SLC16A6: variants seen among roughly 807,000 people sequenced by gnomAD.
The protein encoded by SLC16A6 is monocarboxylate transporter 7.
A neutral mutation model predicts 33.8 loss-of-function variants in SLC16A6; 15 were observed. That is an observed-to-expected ratio of 0.44 (90% confidence interval 0.30 to 0.68). SLC16A6 has a LOEUF of 0.68. Ranked by LOEUF, SLC16A6 falls within the 30% of genes least tolerant of loss-of-function variation. SLC16A6 has a pLI of 0.10. For synonymous variants in SLC16A6, 219 were observed against 248.4 expected (o/e 0.88, Z 1.11); for missense variants, 451 against 661.5 (o/e 0.68, Z 3.49).
In SLC16A6 at chr17:68,271,200, A is replaced by C; in HGVS notation, c.960T>G (p.Ile320Met). 1 of 1,614,114 alleles carries C rather than the reference A, an allele frequency of 6.2e-7. No individual in the cohort carries two copies. Among genetic ancestry groups the C allele is most frequent in the East Asian group, 2.2e-5 (1 of 44,890 alleles). The part of the protein sequence containing the change: ...APSLYIIPLG[I>M]SLGIDQDRAA... ...CGCGGTCCTGGTCAATGCCCAGACTAATGCCCAGAGGAATGATGTACAAGG... is the reference window on the plus strand; with the variant it reads ...CGCGGTCCTGGTCAATGCCCAGACTCATGCCCAGAGGAATGATGTACAAGG... The change falls in exon 5 of 6, where the codon ATT becomes ATG. Residue 320 changes from isoleucine to methionine, a missense_variant. By Grantham distance (10) the Ile-to-Met change is conservative. This residue lies in a region of SLC16A6 where 405 missense variants were observed against 510.7 expected (regional missense o/e 0.79). Transcript: ENST00000580666. This position sits in a 1 kb window ranked among gnomAD's most constrained non-coding sequence, Gnocchi z 5.3.
In SLC16A6 at chr17:68,278,376, C is replaced by T. The variant is rs189461121; in HGVS notation, c.-7-49G>A. 63 of 1,215,002 alleles carry T rather than the reference C, an allele frequency of 5.2e-5. No homozygotes were observed. In the East Asian group the frequency reaches 6.0e-4, roughly 12 times the overall value. The allele number at this position is 1,215,002 out of a possible 1,614,324, so 75.3% of individuals were successfully genotyped here. A position where few individuals can be genotyped will look rare whatever the true frequency, so the allele number is the denominator to read the frequency against. On this transcript the variant is annotated intron_variant, in intron 1 of 5. Transcript: ENST00000580666. ...TTCAGATCAGCAATAGCATGAGGAT[C>T]GATGATTCTCATACTCTTAAGCAAA...
chr17:68,291,335 C>G (rs1272681657), upstream of SLC16A6: 3 of 145,098 alleles, frequency 2.1e-5, no homozygotes, highest in African/African-American at 5.0e-5. Flanking sequence ...CGACCCGGGC[C>G]GTGCGTGCTG....
chr17:68,269,673 G>GTTTTTTTTT (rs782421181), intron 5 of SLC16A6, among the ~76,000 whole-genome samples: 16,042 of 75,924 alleles, frequency 0.21, 3,071 homozygotes, highest in African/African-American at 0.42. Flanking sequence ...TTCACTTTAG[G>GTTTTTTTTT]TTTTTTTTTT....
chr17:68,283,940 A>G (rs1451654714), intron 1 of SLC16A6, among the ~76,000 whole-genome samples: 7 of 151,500 alleles, frequency 4.6e-5, no homozygotes, highest in Non-Finnish European at 1.0e-4. Context: ...TCTACTAAAA[A>G]TACAAAAATT....
At chr17:68,276,150 G>A (rs191561657) in intron 2 of SLC16A6, among the ~76,000 whole-genome samples, 179 of 150,354 alleles carry the variant, frequency 1.2e-3, no homozygotes, top group African/African-American at 4.3e-3. Flanking sequence ...CTGGAGTGCA[G>A]TGGCACAATC....
chr17:68,269,784 CTG>C (rs1555747845), intron 5 of SLC16A6, among the ~76,000 whole-genome samples: 3 of 146,902 alleles, frequency 2.0e-5, no homozygotes, highest in African/African-American at 7.6e-5. Flanking sequence ...AGCGATTCTC[CTG>C]CCTCAGCCTC....
At chr17:68,285,298 T>C (rs544713209) in intron 1 of SLC16A6, among the ~76,000 whole-genome samples, 2 of 152,074 alleles carry the variant, frequency 1.3e-5, no homozygotes, top group Non-Finnish European at 2.9e-5. Flanking sequence ...AAACAAAACA[T>C]ATAGTGATAA....
At chr17:68,280,527 C>T (rs2145094354) in intron 1 of SLC16A6, among the ~76,000 whole-genome samples, 1 of 152,314 alleles carries the variant, frequency 6.6e-6, no homozygotes, top group Non-Finnish European at 1.5e-5. Flanking sequence ...GTGCCAAAGA[C>T]ATTCATTGGA....
At chr17:68,290,175 A>G (rs2075938095) in intron 1 of SLC16A6, among the ~76,000 whole-genome samples, 1 of 152,222 alleles carries the variant, frequency 6.6e-6, no homozygotes, top group Non-Finnish European at 1.5e-5. Context: ...CTAACCGTGC[A>G]AACAAAACCG....
At chr17:68,272,100 C>CT (rs1233447512) in intron 4 of SLC16A6, among the ~76,000 whole-genome samples, 6 of 152,064 alleles carry the variant, frequency 3.9e-5, no homozygotes, top group East Asian at 1.9e-4. Context: ...TGCACCTGGC[C>CT]TTTTTTTGTG....
intron 1 of SLC16A6, 131 bp from the exon 2 acceptor site, chr17:68,278,458 T>C: frequency 1.6e-6 from 1 of 619,860 alleles, no homozygotes; most frequent in Non-Finnish European, 2.8e-6. Flanking sequence ...TATTTATTTA[T>C]TTATTTATTG....
rs558057906 is a variant in SLC16A6 at position 68,280,652 on chromosome 17, A to T, written c.-7-2325T>A. Among the ~76,000 whole-genome samples, 21 of 152,354 alleles carry T rather than the reference A, an allele frequency of 1.4e-4. No homozygotes were observed. In the South Asian group the frequency reaches 4.1e-3, roughly 30 times the overall value. Reference sequence around the variant, plus strand: ...ACAATCAACTAAAAATGGATCAAAGACTTAAATGTAAGACCTAAAACTATA... The same window carrying T: ...ACAATCAACTAAAAATGGATCAAAGTCTTAAATGTAAGACCTAAAACTATA... On this transcript the variant is annotated intron_variant, in intron 1 of 5. Coordinates refer to ENST00000580666, the MANE Select transcript of SLC16A6 (RefSeq NM_004694.5).
At chr17:68,289,533 T>G (rs1555755117) in intron 1 of SLC16A6, among the ~76,000 whole-genome samples, 1 of 152,208 alleles carries the variant, frequency 6.6e-6, no homozygotes, top group African/African-American at 2.4e-5. Context: ...GCACTGCGGA[T>G]TTCTCTTCTT....
At chr17:68,270,293 C>G (rs2075293249) in intron 5 of SLC16A6, among the ~76,000 whole-genome samples, 1 of 152,094 alleles carries the variant, frequency 6.6e-6, no homozygotes, top group Admixed American at 6.5e-5. Flanking sequence ...CGGTGGCTCA[C>G]ACCTGTAATC....
chr17:68,291,173 A>C (rs570369169), upstream of SLC16A6: 7 of 151,884 alleles, frequency 4.6e-5, no homozygotes, highest in African/African-American at 1.2e-4. Flanking sequence ...GCTCGGTAAC[A>C]TGAGAAAAGG....
intron 1 of SLC16A6, among the ~76,000 whole-genome samples, chr17:68,282,368 G>A (rs527608744): frequency 6.6e-6 from 1 of 152,174 alleles, no homozygotes; most frequent in South Asian, 2.1e-4. Context: ...TGGGGGAAGG[G>A]GGAGGGATAG....
chr17:68,277,070 T>G (rs1643441369), intron 2 of SLC16A6, among the ~76,000 whole-genome samples: 1 of 152,206 alleles, frequency 6.6e-6, no homozygotes, highest in Non-Finnish European at 1.5e-5. Context: ...TTTTGCTTCA[T>G]GCATCCACAT....
chr17:68,276,118 G>A (rs1339901627), intron 2 of SLC16A6, among the ~76,000 whole-genome samples: 1 of 151,880 alleles, frequency 6.6e-6, no homozygotes, highest in Non-Finnish European at 1.5e-5. Context: ...TTTTGAGACA[G>A]AGTCTTGCTC....
intron 1 of SLC16A6, among the ~76,000 whole-genome samples, chr17:68,286,560 A>G (rs1423282434): frequency 6.6e-6 from 1 of 152,140 alleles, no homozygotes; most frequent in Non-Finnish European, 1.5e-5. Context: ...GCTGAAGTGC[A>G]GTGGCACGAT....
Sources: allele counts gnomAD v4.1 joint callset (sites outside exome capture counted in the v4.1 genomes callset), GRCh38; gene constraint gnomAD v4.1.1; regional missense constraint gnomAD v4.1.1; non-coding constraint Gnocchi (gnomAD v3.1); transcripts MANE v1.5; gene names NCBI Gene and HGNC (gene_info 2026-07-23, HGNC 2026-07-21).